The following DOCK10 variants were observed in gnomAD, a reference collection of about 807,000 sequenced individuals.
The protein encoded by DOCK10 is dedicator of cytokinesis protein 10.
In DOCK10, 145 loss-of-function variants were observed where a neutral mutation model predicts 280.1. The observed-to-expected ratio is 0.52, with a 90% CI of 0.45 to 0.59. The LOEUF is 0.59. Among genes scored for constraint, DOCK10 ranks in the 20% least tolerant of loss-of-function variants. DOCK10 has a pLI of 0.00. For missense variants in DOCK10, 2,368 were observed against 2,651.7 expected (o/e 0.89, Z 2.35); for synonymous variants, 915 against 942.2 (o/e 0.97, Z 0.53).
chr2:224,855,464 A>G (rs1365514229), intron 15 of DOCK10, among the ~76,000 whole-genome samples: 2 of 152,154 alleles, frequency 1.3e-5, no homozygotes, highest in Admixed American at 6.5e-5. Flanking sequence ...CTTTGCTACA[A>G]TCGCTAAGTG....
chr2:224,929,857 G>C (rs1363564797), intron 2 of DOCK10, among the ~76,000 whole-genome samples: 1 of 152,114 alleles, frequency 6.6e-6, no homozygotes, highest in Non-Finnish European at 1.5e-5. Context: ...GACATAACTA[G>C]GAGAAAAGAT....
intron 1 of DOCK10, among the ~76,000 whole-genome samples, chr2:225,016,607 ACATATATCTAT>A (rs1559962829): frequency 2.0e-5 from 2 of 100,724 alleles, no homozygotes; most frequent in African/African-American, 7.1e-5. Flanking sequence ...GCACATAGAT[ACATATATCTAT>A]GTGCACATAG....
At chr2:224,938,365 A>G (rs992528728) in intron 1 of DOCK10, among the ~76,000 whole-genome samples, 2 of 152,176 alleles carry the variant, frequency 1.3e-5, no homozygotes, top group East Asian at 3.8e-4. Context: ...CTAGTTAATG[A>G]CACAGAAAAA....
chr2:224,925,294 C>T (rs1467598285), intron 2 of DOCK10, among the ~76,000 whole-genome samples: 1 of 152,152 alleles, frequency 6.6e-6, no homozygotes, highest in African/African-American at 2.4e-5. Flanking sequence ...CTAGAAGTCC[C>T]CATATACCAT....
intron 50 of DOCK10, among the ~76,000 whole-genome samples, chr2:224,779,630 G>A (rs917330548): frequency 2.3e-4 from 35 of 152,014 alleles, no homozygotes; most frequent in African/African-American, 8.0e-4. Flanking sequence ...AATATTAATT[G>A]TTAAAAAAAG....
chr2:224,824,130 T>C (rs918848011), intron 27 of DOCK10, among the ~76,000 whole-genome samples: 1 of 152,172 alleles, frequency 6.6e-6, no homozygotes, highest in Non-Finnish European at 1.5e-5. Context: ...GTCTAAGAAA[T>C]TAATAAATGA....
At chr2:224,839,121 C>T (rs1695782689) in intron 24 of DOCK10, among the ~76,000 whole-genome samples, 1 of 152,036 alleles carries the variant, frequency 6.6e-6, no homozygotes, top group African/African-American at 2.4e-5. Context: ...CTCTTTCACC[C>T]AGGCTGGAGT....
rs1317008506 is a variant in DOCK10, at chr2:224,786,440, G to T, written c.5655+582C>A. Among the ~76,000 whole-genome samples the T allele has an allele frequency of 6.6e-6, 1 of 152,180 alleles. No individual in the cohort carries two copies. Among genetic ancestry groups the T allele is most frequent in the Non-Finnish European group, 1.5e-5 (1 of 68,034 alleles). On this transcript the variant is annotated intron_variant, in intron 50 of 55. Coordinates refer to ENST00000258390, the MANE Select transcript of DOCK10 (RefSeq NM_014689.3). This position sits in a 1 kb window ranked among gnomAD's most constrained non-coding sequence, Gnocchi z 4.7. ...ACTTTCAGGCCAACACTGTGGCTAA[G>T]TAATATTTTCCATCTTCTTCATTGC... is the stretch of plus-strand genomic sequence containing the variant.
chr2:224,947,876 C>T (rs1411044337), intron 1 of DOCK10, among the ~76,000 whole-genome samples: 5 of 152,048 alleles, frequency 3.3e-5, no homozygotes, highest in Admixed American at 3.3e-4. Flanking sequence ...GATTAGAACA[C>T]GCGGCACTCA....
At chr2:224,940,304 C>A (rs1457017156) in intron 1 of DOCK10, among the ~76,000 whole-genome samples, 1 of 152,114 alleles carries the variant, frequency 6.6e-6, no homozygotes, top group Non-Finnish European at 1.5e-5. Context: ...TCCTTCTGTC[C>A]CCTTCTCTGG....
intron 2 of DOCK10, among the ~76,000 whole-genome samples, chr2:224,929,251 C>T (rs1702195485): frequency 6.6e-6 from 1 of 152,134 alleles, no homozygotes; most frequent in Admixed American, 6.5e-5. Flanking sequence ...ATAAGTAAAC[C>T]CACCAAAAGG....
chr2:224,920,244 T>G (rs1701624751), intron 2 of DOCK10, among the ~76,000 whole-genome samples: 2 of 150,706 alleles, frequency 1.3e-5, no homozygotes, highest in South Asian at 4.2e-4. Flanking sequence ...CACTTTTTTT[T>G]TTTTTTTTTT....
chr2:224,790,534 T>C (rs911410481), intron 47 of DOCK10, among the ~76,000 whole-genome samples: 1 of 152,220 alleles, frequency 6.6e-6, no homozygotes, highest in Non-Finnish European at 1.5e-5. Flanking sequence ...TCATTGGTTA[T>C]GTAACTAAAT....
chr2:224,834,240 G>A lies in DOCK10; in HGVS notation c.2874C>T (p.Cys958=). 1 of 1,610,654 alleles carries A rather than the reference G, an allele frequency of 6.2e-7. No homozygotes were observed. The highest frequency in any genetic ancestry group is 1.7e-5 in the Admixed American group (1 of 59,854). Residue 958 remains cysteine, a synonymous_variant, in exon 26 of 56, where the codon TGC becomes TGT. Transcript: ENST00000258390. ...GTTCCTCATGTACAGTCCTCTCCTT[G>A]CATGCCCTGGTCTTGAACACGAACT... ...YIKFVFKTRA[C]KERTVHEELA... is the part of the protein sequence containing the mutation.
chr2:224,873,438 G>A (rs1185002846), intron 11 of DOCK10, among the ~76,000 whole-genome samples: 1 of 151,558 alleles, frequency 6.6e-6, no homozygotes, highest in Non-Finnish European at 1.5e-5. Context: ...AATTAGCTAG[G>A]CGGCCATGGT....
chr2:224,885,165 A>G (rs1699204233), intron 7 of DOCK10, among the ~76,000 whole-genome samples: 1 of 152,078 alleles, frequency 6.6e-6, no homozygotes, highest in Admixed American at 6.5e-5. Context: ...GCATCTGGCT[A>G]ATTTTTGTAT....
intron 1 of DOCK10, among the ~76,000 whole-genome samples, chr2:225,014,094 T>TTTG (rs1553632525): frequency 0.046 from 5,123 of 110,710 alleles, 349 homozygotes; most frequent in African/African-American, 0.18. Flanking sequence ...GTTTTTTTTT[T>TTTG]TTTGTTTTTT....
intron 1 of DOCK10, among the ~76,000 whole-genome samples, chr2:224,951,252 G>C (rs540317352): frequency 6.6e-6 from 1 of 152,292 alleles, no homozygotes; most frequent in East Asian, 1.9e-4. Context: ...ATATATATAT[G>C]TGTATGTATA....
intron 1 of DOCK10, among the ~76,000 whole-genome samples, chr2:224,992,663 A>G (rs924472192): frequency 6.6e-6 from 1 of 152,342 alleles, no homozygotes; most frequent in East Asian, 1.9e-4. Flanking sequence ...GCTACTGACA[A>G]CTGCAGTTCC....
Sources: allele counts gnomAD v4.1 joint callset (sites outside exome capture counted in the v4.1 genomes callset), GRCh38; gene constraint gnomAD v4.1.1; non-coding constraint Gnocchi (gnomAD v3.1); transcripts MANE v1.5; gene names NCBI Gene and HGNC (gene_info 2026-07-23, HGNC 2026-07-21).